The following GPC6 variants were observed in gnomAD, a reference collection of about 807,000 sequenced individuals.
GPC6 encodes the protein glypican 6.
In GPC6, 14 loss-of-function variants were observed where a neutral mutation model predicts 55.2. The ratio of observed to expected loss-of-function variants is 0.25; its 90% CI spans 0.17 to 0.40. GPC6 has a LOEUF of 0.40. Among genes scored for constraint, GPC6 ranks in the 10% least tolerant of loss-of-function variants. GPC6 has a pLI of 1.00. For missense variants in GPC6, 641 were observed against 708.5 expected, an observed-to-expected ratio of 0.90 and a Z score of 1.08; for synonymous variants, 278 against 259.6, an observed-to-expected ratio of 1.07 and a Z score of -0.68.
intron 1 of GPC6, among the ~76,000 whole-genome samples, chr13:93,235,127 C>T (rs1003834550): frequency 6.6e-6 from 1 of 152,014 alleles, no homozygotes; most frequent in Non-Finnish European, 1.5e-5. Context: ...TTGTTTTAAT[C>T]TAAGTACCAA....
intron 1 of GPC6, among the ~76,000 whole-genome samples, chr13:93,259,180 A>G (rs1482327820): frequency 6.6e-6 from 1 of 152,132 alleles, no homozygotes; most frequent in Non-Finnish European, 1.5e-5. Context: ...CTATGTTCAT[A>G]ATATGTGCTC....
chr13:93,268,995 G>A (rs749033793), intron 1 of GPC6, among the ~76,000 whole-genome samples: 1 of 139,918 alleles, frequency 7.1e-6, no homozygotes, highest in South Asian at 2.2e-4. Flanking sequence ...AGTCTTTTCT[G>A]GGGAGCATTA....
chr13:93,852,193 A>C (rs540325828), intron 3 of GPC6, among the ~76,000 whole-genome samples: 1 of 151,878 alleles, frequency 6.6e-6, no homozygotes, highest in South Asian at 2.1e-4. Context: ...GTCTCATTAC[A>C]CTGCTAGGCA....
chr13:94,088,082 G>A (rs1366351474), intron 4 of GPC6, among the ~76,000 whole-genome samples: 1 of 152,142 alleles, frequency 6.6e-6, no homozygotes, highest in East Asian at 1.9e-4. Context: ...TTCTTTTGCT[G>A]TACTAGGACA....
At chr13:94,278,336 G>A (rs1594124960) in intron 4 of GPC6, among the ~76,000 whole-genome samples, 1 of 152,230 alleles carries the variant, frequency 6.6e-6, no homozygotes, top group African/African-American at 2.4e-5. Context: ...GAGTTTTTGG[G>A]CTGAGATGAT....
intron 4 of GPC6, among the ~76,000 whole-genome samples, chr13:94,181,344 CT>C (rs1321027364): frequency 6.6e-6 from 1 of 152,126 alleles, no homozygotes; most frequent in African/African-American, 2.4e-5. Flanking sequence ...TCTTTGTACT[CT>C]TTCTCTTTAT....
chr13:93,705,449 G>A (rs1364532542), intron 2 of GPC6, among the ~76,000 whole-genome samples: 3 of 151,864 alleles, frequency 2.0e-5, no homozygotes, highest in Non-Finnish European at 4.4e-5. Context: ...TAACTTAAAT[G>A]TGTTTTATAA....
At chr13:93,792,525 G>T (rs1178139941) in intron 2 of GPC6, among the ~76,000 whole-genome samples, 4 of 152,020 alleles carry the variant, frequency 2.6e-5, no homozygotes, top group African/African-American at 9.7e-5. Context: ...TGGCCAGGCT[G>T]GTCTTGAACT....
chr13:94,395,048 G>C (rs1880836084), intron 7 of GPC6, among the ~76,000 whole-genome samples: 1 of 152,182 alleles, frequency 6.6e-6, no homozygotes. Flanking sequence ...AAAATGTAGA[G>C]GAGCAATGCC....
chr13:93,439,756 A>T (rs1445264), intron 1 of GPC6, among the ~76,000 whole-genome samples: 47,220 of 151,794 alleles, frequency 0.31, 7,483 homozygotes, highest in East Asian at 0.36. Context: ...TATTAGCAGC[A>T]TGAGAACTGA....
At chr13:93,298,688 T>C (rs139813631) in intron 1 of GPC6, among the ~76,000 whole-genome samples, 14 of 152,104 alleles carry the variant, frequency 9.2e-5, no homozygotes, top group African/African-American at 3.4e-4. Context: ...GCTCAAGCAA[T>C]TGGCCCGCCT....
At chr13:93,289,239 G>A (rs1878238124) in intron 1 of GPC6, among the ~76,000 whole-genome samples, 1 of 152,078 alleles carries the variant, frequency 6.6e-6, no homozygotes, top group Non-Finnish European at 1.5e-5. Flanking sequence ...ACCCTAACCT[G>A]GGAGTCAGAA....
chr13:93,724,689 A>T lies in GPC6; in HGVS notation c.320-105465A>T, dbSNP rs1046764499. Among the ~76,000 whole-genome samples, 9 of 152,028 alleles carry T rather than the reference A, an allele frequency of 5.9e-5. 1 individual carries two copies. The East Asian group carries it at 1.7e-3, about 30-fold the overall frequency. On this transcript the variant is annotated intron_variant, in intron 2 of 8. Coordinates refer to ENST00000377047, the MANE Select transcript of GPC6 (RefSeq NM_005708.5). ...TTCAACACACCTTTTCTCTAATATT[A>T]TGTTGTATTTCTTTTCCCTGGTACA...
At chr13:93,320,430 G>C (rs1879397371) in intron 1 of GPC6, among the ~76,000 whole-genome samples, 1 of 151,848 alleles carries the variant, frequency 6.6e-6, no homozygotes, top group Non-Finnish European at 1.5e-5. Context: ...CAATTCATTA[G>C]AGAAAAACAA....
At chr13:94,344,439 C>A (rs1388430313) in intron 6 of GPC6, among the ~76,000 whole-genome samples, 1 of 152,216 alleles carries the variant, frequency 6.6e-6, no homozygotes, top group South Asian at 2.1e-4. Context: ...CTTAGTCTCA[C>A]AGGAGGGATG....
intron 2 of GPC6, among the ~76,000 whole-genome samples, chr13:93,678,014 A>G (rs1217170698): frequency 1.3e-5 from 2 of 152,174 alleles, no homozygotes; most frequent in Non-Finnish European, 2.9e-5. Flanking sequence ...TTTCCCACCT[A>G]TGGTCAAAAA....
At chr13:93,984,645 G>C (rs1052304168) in intron 3 of GPC6, among the ~76,000 whole-genome samples, 3 of 152,130 alleles carry the variant, frequency 2.0e-5, no homozygotes, top group Non-Finnish European at 4.4e-5. Flanking sequence ...AAAACATGTA[G>C]CTTTCATTTT....
At chr13:94,031,969 T>C (rs953339680) in intron 4 of GPC6, among the ~76,000 whole-genome samples, 4 of 152,182 alleles carry the variant, frequency 2.6e-5, no homozygotes, top group African/African-American at 7.2e-5. Context: ...CCTTCTAAGA[T>C]TTTATAGACT....
chr13:94,063,902 G>A (rs760790679), intron 4 of GPC6, among the ~76,000 whole-genome samples: 13 of 152,024 alleles, frequency 8.6e-5, no homozygotes, highest in Non-Finnish European at 1.9e-4. Context: ...CAGTTTTTTT[G>A]GAGCTTTCAT....
Sources: gnomAD v4.1 joint callset for allele counts (sites outside exome capture counted in the v4.1 genomes callset) on GRCh38, gnomAD v4.1.1 for gene constraint, MANE v1.5 for transcripts, NCBI Gene and HGNC (gene_info 2026-07-23, HGNC 2026-07-21) for gene names.